The following ARHGEF33 variants were observed in gnomAD, a reference collection of about 807,000 sequenced individuals.
ARHGEF33 encodes the protein DH and coiled-coil domain-containing protein ENSP00000381780.
In ARHGEF33, 72 loss-of-function variants were observed where a neutral mutation model predicts 101.9. That is an observed-to-expected ratio of 0.71 (90% confidence interval 0.58 to 0.86). The LOEUF is 0.86. Among genes scored for constraint, ARHGEF33 ranks in the 40% least tolerant of loss-of-function variants. ARHGEF33 has a pLI of 0.00. For synonymous variants in ARHGEF33, 499 were observed against 442.5 expected (o/e 1.13, Z -1.60); for missense variants, 1,169 against 1,111.3 (o/e 1.05, Z -0.74).
intron 3 of ARHGEF33, among the ~76,000 whole-genome samples, chr2:38,920,243 C>A (rs1257108043): frequency 1.3e-5 from 2 of 152,090 alleles, no homozygotes; most frequent in African/African-American, 4.8e-5. Context: ...GTGTGACACA[C>A]TGGAGATGAA....
At chr2:38,969,002 CAGATG>C (rs1668112983) in intron 17 of ARHGEF33, among the ~76,000 whole-genome samples, 1 of 152,176 alleles carries the variant, frequency 6.6e-6, no homozygotes, top group Non-Finnish European at 1.5e-5. Context: ...GCTTTTAACT[CAGATG>C]AGAACACACC....
At chr2:38,931,413 G>A in intron 7 of ARHGEF33, 162 bp downstream of exon 7, 1 of 587,122 alleles carries the variant, frequency 1.7e-6, no homozygotes, top group Non-Finnish European at 2.8e-6. Context: ...GGATCTAAGA[G>A]ACCACAAGAG....
chr2:38,953,306 C>T (rs1667658904), intron 12 of ARHGEF33, 61 bp downstream of exon 12: 8 of 988,980 alleles, frequency 8.1e-6, no homozygotes, highest in Admixed American at 2.0e-5. Context: ...TGATGTTGCT[C>T]ATCCACCCAG....
Position 38,954,359 on chromosome 2 carries a change from T to C in ARHGEF33, c.1138-14T>C, listed in dbSNP as rs544861194. 9.1e-5 allele frequency: 137 copies of C among 1,511,856 alleles called. 1 individual carries two copies. In the South Asian group the frequency reaches 1.6e-3, roughly 17 times the overall value. The allele number at this position is 1,511,856 out of a possible 1,614,324, so 93.7% of individuals were successfully genotyped here. A position where few individuals can be genotyped will look rare whatever the true frequency, so the allele number is the denominator to read the frequency against. ...AGGAACACTGAAGAGTAACTTGACC[T>C]TTCTTTCATTCAGGGTGATGAAGAG... On this transcript the variant is annotated splice_polypyrimidine_tract_variant and intron_variant, in intron 12 of 17. Coordinates refer to ENST00000409978, the MANE Select transcript of ARHGEF33 (RefSeq NM_001145451.5).
intron 2 of ARHGEF33, among the ~76,000 whole-genome samples, chr2:38,907,883 A>G (rs1368939001): frequency 4.1e-5 from 6 of 147,516 alleles, no homozygotes; most frequent in Admixed American, 6.7e-5. Flanking sequence ...TTTTTAGACA[A>G]TGTCTCACTC....
chr2:38,971,402 C>T (rs2124434325), intron 17 of ARHGEF33, among the ~76,000 whole-genome samples: 1 of 152,324 alleles, frequency 6.6e-6, no homozygotes, highest in Non-Finnish European at 1.5e-5. Flanking sequence ...CCTACAATGT[C>T]TGCTCAGATG....
intron 2 of ARHGEF33, among the ~76,000 whole-genome samples, chr2:38,896,404 C>T (rs1471194139): frequency 1.3e-5 from 2 of 152,190 alleles, no homozygotes; most frequent in Admixed American, 6.5e-5. Context: ...TCCGAAAGTG[C>T]TGGGATTACA....
intron 10 of ARHGEF33, among the ~76,000 whole-genome samples, chr2:38,947,423 C>T (rs1667479422): frequency 6.6e-6 from 1 of 152,122 alleles, no homozygotes; most frequent in South Asian, 2.1e-4. Flanking sequence ...CTCTGTCTGT[C>T]GCCCAGGCTG....
At chr2:38,971,259 T>C (rs1479970429) in intron 17 of ARHGEF33, among the ~76,000 whole-genome samples, 4 of 152,224 alleles carry the variant, frequency 2.6e-5, no homozygotes, top group African/African-American at 9.7e-5. Flanking sequence ...GCTATTTTCT[T>C]TGTCACTTGA....
At chr2:38,968,977 A>G (rs1478468651) in intron 17 of ARHGEF33, among the ~76,000 whole-genome samples, 1 of 152,188 alleles carries the variant, frequency 6.6e-6, no homozygotes, top group Non-Finnish European at 1.5e-5. Context: ...CCAGTGTAGC[A>G]CAGGAAGGGC....
intron 15 of ARHGEF33, among the ~76,000 whole-genome samples, chr2:38,959,132 T>C (rs1667847882): frequency 6.6e-6 from 1 of 152,226 alleles, no homozygotes; most frequent in Admixed American, 6.5e-5. Flanking sequence ...TCCCATCTGA[T>C]GGTACCCTAT....
intron 6 of ARHGEF33, 150 bp downstream of exon 6, chr2:38,929,980 A>T: frequency 1.6e-6 from 1 of 613,460 alleles, no homozygotes; most frequent in South Asian, 3.3e-5. Flanking sequence ...AGAATTATAA[A>T]ATTGGTTAAT....
At chr2:38,968,103 A>G (rs780752382) in intron 17 of ARHGEF33, among the ~76,000 whole-genome samples, 2 of 152,078 alleles carry the variant, frequency 1.3e-5, no homozygotes, top group Non-Finnish European at 2.9e-5. Flanking sequence ...AGAGAGATGT[A>G]AGAAAATGTT....
chr2:38,896,285 C>T (rs377470859), intron 2 of ARHGEF33, among the ~76,000 whole-genome samples: 1 of 152,060 alleles, frequency 6.6e-6, no homozygotes, highest in Admixed American at 6.6e-5. Flanking sequence ...ATTACAGGCT[C>T]ACGCCACCAT....
intron 2 of ARHGEF33, among the ~76,000 whole-genome samples, chr2:38,915,102 T>C (rs964619814): frequency 6.6e-6 from 1 of 152,158 alleles, no homozygotes; most frequent in Non-Finnish European, 1.5e-5. Context: ...TCCTCCATCC[T>C]TGGCCACCCA....
At chr2:38,923,346 A>G (rs1423078906) in intron 4 of ARHGEF33, among the ~76,000 whole-genome samples, 1 of 152,186 alleles carries the variant, frequency 6.6e-6, no homozygotes, top group South Asian at 2.1e-4. Flanking sequence ...AGAAGAAGAG[A>G]AAGAGAAAGG....
At position 38,960,417 on chromosome 2, in the gene ARHGEF33, G is replaced by C. The variant is rs1257651725; in HGVS notation, c.2112G>C (p.Pro704=). The C allele has an allele frequency of 4.6e-6, 7 of 1,514,492 alleles. No homozygotes were observed. The highest frequency in any genetic ancestry group is 6.2e-6 in the Non-Finnish European group (7 of 1,137,702). 93.8% of individuals were successfully genotyped at this position (1,514,492 alleles called of 1,614,324 possible). Residue 704 remains proline, a synonymous_variant, in exon 16 of 18, where the codon CCG becomes CCC. Transcript: ENST00000409978. ...CGCAGGCGCACGGCAAGGCCAAGCC[G>C]CTGAGCCGCTCTCTCAAAGAGTTCC... ...AAAQAHGKAK[P]LSRSLKEFPR...
chr2:38,942,458 C>A (rs1667338179), intron 9 of ARHGEF33, among the ~76,000 whole-genome samples: 1 of 122,866 alleles, frequency 8.1e-6, no homozygotes, highest in Non-Finnish European at 1.6e-5. Context: ...CCACGCCCAG[C>A]CCCTCTTATC....
chr2:38,917,102 C>CTTTTT, intron 2 of ARHGEF33, among the ~76,000 whole-genome samples: 1 of 129,324 alleles, frequency 7.7e-6, no homozygotes, highest in South Asian at 2.4e-4. Context: ...AACCGGTCTT[C>CTTTTT]TTTTTTTGAG....
Sources: allele counts gnomAD v4.1 joint callset (sites outside exome capture counted in the v4.1 genomes callset), GRCh38; gene constraint gnomAD v4.1.1; transcripts MANE v1.5; gene names NCBI Gene and HGNC (gene_info 2026-07-23, HGNC 2026-07-21).